BIRC2: variants seen among roughly 807,000 people sequenced by gnomAD.
BIRC2 encodes baculoviral IAP repeat-containing protein 2.
A neutral mutation model predicts 60.9 loss-of-function variants in BIRC2; 18 were observed. The ratio of observed to expected loss-of-function variants is 0.30; its 90% CI spans 0.20 to 0.44. The LOEUF (loss-of-function observed/expected upper bound fraction) is 0.44, where lower values mean the gene tolerates loss of function less well. Among genes scored for constraint, BIRC2 ranks in the 20% least tolerant of loss-of-function variants. The pLI, the probability that BIRC2 is intolerant of heterozygous loss-of-function variation, is 1.00. For synonymous variants in BIRC2, 282 were observed against 247.7 expected, an observed-to-expected ratio of 1.14 and a Z score of -1.30; for missense variants, 701 against 728.5, an observed-to-expected ratio of 0.96 and a Z score of 0.43.
chr11:102,377,937 T>TG, intron 8 of BIRC2, 39 bp downstream of exon 8: 4 of 1,520,904 alleles, frequency 2.6e-6, no homozygotes, highest in Non-Finnish European at 3.6e-6. Flanking sequence ...ACTATTACCC[T>TG]TTTTTTTTAA....
At chr11:102,367,332 T>TA (rs1446275293) in intron 5 of BIRC2, among the ~76,000 whole-genome samples, 1 of 151,906 alleles carries the variant, frequency 6.6e-6, no homozygotes, top group Non-Finnish European at 1.5e-5. Flanking sequence ...CTGCTGTAAA[T>TA]ATTGCTGTAA....
At chr11:102,366,208 A>C (rs1332111431) in intron 5 of BIRC2, among the ~76,000 whole-genome samples, 1 of 152,084 alleles carries the variant, frequency 6.6e-6, no homozygotes, top group Non-Finnish European at 1.5e-5. Flanking sequence ...TCCCCATCTC[A>C]GTTAATGGTA....
At chr11:102,353,546 G>C (rs1951386453) in intron 3 of BIRC2, among the ~76,000 whole-genome samples, 1 of 152,078 alleles carries the variant, frequency 6.6e-6, no homozygotes. Context: ...TCAAACTTCT[G>C]ACCTCAAGTG....
intron 6 of BIRC2, among the ~76,000 whole-genome samples, chr11:102,377,100 A>G (rs1336266953): frequency 1.3e-5 from 2 of 152,210 alleles, no homozygotes; most frequent in East Asian, 3.8e-4. Flanking sequence ...AATGAGAGGC[A>G]GTAATACTCG....
At chr11:102,365,495 T>C (rs1431709317) in intron 5 of BIRC2, among the ~76,000 whole-genome samples, 3 of 152,222 alleles carry the variant, frequency 2.0e-5, no homozygotes, top group African/African-American at 4.8e-5. Flanking sequence ...GTTCTTGTCA[T>C]GGTAACCAGG....
intron 3 of BIRC2, among the ~76,000 whole-genome samples, chr11:102,358,870 C>T (rs768281756): frequency 6.6e-6 from 1 of 152,092 alleles, no homozygotes. Context: ...AATTGAGTCT[C>T]TTGTAGACAA....
intron 6 of BIRC2, among the ~76,000 whole-genome samples, chr11:102,370,037 T>G (rs1190598907): frequency 6.6e-6 from 1 of 152,212 alleles, no homozygotes; most frequent in Non-Finnish European, 1.5e-5. Context: ...GTAAATTTGT[T>G]TGAGTTCATT....
At chr11:102,366,592 G>A (rs1055443247) in intron 5 of BIRC2, among the ~76,000 whole-genome samples, 3 of 151,508 alleles carry the variant, frequency 2.0e-5, no homozygotes, top group South Asian at 2.1e-4. Flanking sequence ...GGATGGTCTC[G>A]ATCTCCTCAC....
intron 5 of BIRC2, among the ~76,000 whole-genome samples, chr11:102,364,174 T>TACACAC (rs376590420): frequency 6.4e-5 from 5 of 78,102 alleles, no homozygotes; most frequent in South Asian, 8.5e-4. Flanking sequence ...TATATATATA[T>TACACAC]ACACACACAC....
At chr11:102,372,953 G>T (rs915943050) in intron 6 of BIRC2, among the ~76,000 whole-genome samples, 31 of 151,256 alleles carry the variant, frequency 2.0e-4, no homozygotes, top group East Asian at 3.9e-4. Context: ...ATCTTTGTTG[G>T]TTTAAAGTCC....
intron 6 of BIRC2, among the ~76,000 whole-genome samples, chr11:102,371,998 G>A (rs866988964): frequency 0.013 from 2,039 of 152,258 alleles, 22 homozygotes; most frequent in South Asian, 0.028. Context: ...GTATTTCTGT[G>A]GGATCAGTGG....
intron 5 of BIRC2, 96 bp downstream of exon 5, chr11:102,363,812 T>G (rs184724714): frequency 1.1e-6 from 1 of 929,166 alleles, no homozygotes; most frequent in African/African-American, 1.7e-5. Context: ...ATCCCAACAC[T>G]TTGAGAGGCC....
rs780918126 is a variant in BIRC2 at position 102,376,967 on chromosome 11, C to G, written c.1367-529C>G. On this transcript the variant is annotated intron_variant, in intron 6 of 8. Transcript: ENST00000227758. ...ACTCAAACCCTACAATACTACAATACCACGTCTTAAGTATGGGGTGTTGAA... is the reference window on the plus strand; with the variant it reads ...ACTCAAACCCTACAATACTACAATAGCACGTCTTAAGTATGGGGTGTTGAA... Among the ~76,000 whole-genome samples the G allele has an allele frequency of 7.9e-5, 12 of 152,048 alleles. No homozygotes were observed. The South Asian group carries it at 8.3e-4, about 11-fold the overall frequency.
At position 102,377,715 on chromosome 11, in the gene BIRC2, A is replaced by G. The variant is rs1951730416; in HGVS notation, c.1586A>G (p.Lys529Arg). The G allele has an allele frequency of 1.2e-6, 2 of 1,607,476 alleles. No homozygotes were observed. Among genetic ancestry groups the G allele is most frequent in the African/African-American group, 1.3e-5 (1 of 74,302 alleles). The change falls in exon 7 of 9, where the codon AAA becomes AGA. Residue 529 changes from lysine to arginine, a missense_variant. Coordinates refer to ENST00000227758, the MANE Select transcript of BIRC2 (RefSeq NM_001166.5). ...GCCAACATCTTCAAAAACTGTCTAA[A>G]AGAAATTGACTCTACATTGTATAAG... ...AAANIFKNCLKEIDSTLYKNL... is the reference protein window; with the variant it reads ...AAANIFKNCLREIDSTLYKNL...
intron 3 of BIRC2, 45 bp from the exon 4 acceptor site, chr11:102,362,851 T>G: frequency 7.0e-7 from 1 of 1,438,444 alleles, no homozygotes; most frequent in East Asian, 2.4e-5. Flanking sequence ...AGGTTATATT[T>G]GATATGAAAC....
intron 5 of BIRC2, among the ~76,000 whole-genome samples, chr11:102,364,174 T>TATATATATAA: frequency 2.6e-5 from 2 of 78,114 alleles, no homozygotes; most frequent in East Asian, 4.6e-4. Context: ...TATATATATA[T>TATATATATAA]ACACACACAC....
chr11:102,364,144 T>TAC (rs1383653208), intron 5 of BIRC2, among the ~76,000 whole-genome samples: 2 of 57,314 alleles, frequency 3.5e-5, no homozygotes, highest in Non-Finnish European at 6.7e-5. Flanking sequence ...AAATATTATA[T>TAC]ATATATATAT....
In BIRC2 at chr11:102,350,025, CG is replaced by C; in HGVS notation, c.172del (p.Ala58ProfsTer20). On this transcript the variant is annotated frameshift_variant, in exon 2 of 9. Coordinates refer to ENST00000227758, the MANE Select transcript of BIRC2 (RefSeq NM_001166.5). LOFTEE classifies it high-confidence loss of function. The stretch of plus-strand genomic sequence containing the variant: ...GAATGTCTACATATTCAACTTTCCC[CG>C]CCGGGGTGCCTGTCTCAGAAAGGAG... ...YRMSTYSTFP[A>X]GVPVSERSLA... is the part of the protein sequence containing the mutation. The C allele has an allele frequency of 6.2e-7, 1 of 1,614,184 alleles. No homozygotes were observed. The highest frequency in any genetic ancestry group is 8.5e-7 in the Non-Finnish European group (1 of 1,180,028).
intron 3 of BIRC2, among the ~76,000 whole-genome samples, chr11:102,360,554 G>A (rs1197643578): frequency 6.6e-6 from 1 of 151,300 alleles, no homozygotes; most frequent in Non-Finnish European, 1.5e-5. Context: ...TTCATTATCT[G>A]TGTTCTTTTG....
Sources: allele counts gnomAD v4.1 joint callset (sites outside exome capture counted in the v4.1 genomes callset), GRCh38; gene constraint gnomAD v4.1.1; transcripts MANE v1.5; gene names NCBI Gene and HGNC (gene_info 2026-07-23, HGNC 2026-07-21).